CACNB2: variants seen among roughly 807,000 people sequenced by gnomAD.
The protein encoded by CACNB2 is voltage-dependent L-type calcium channel subunit beta-2.
A neutral mutation model predicts 73.3 loss-of-function variants in CACNB2; 42 were observed. That is an observed-to-expected ratio of 0.57 (90% CI 0.45 to 0.74). The LOEUF is 0.74. CACNB2 is among the 30% of genes least tolerant of loss of function. CACNB2 has a pLI of 0.00. For synonymous variants in CACNB2, 348 were observed against 310.3 expected, an observed-to-expected ratio of 1.12 and a Z score of -1.28; for missense variants, 940 against 853.0, an observed-to-expected ratio of 1.10 and a Z score of -1.27.
intron 2 of CACNB2, among the ~76,000 whole-genome samples, chr10:18,347,155 G>A (rs2041493717): frequency 6.6e-6 from 1 of 151,798 alleles, no homozygotes; most frequent in African/African-American, 2.4e-5. Flanking sequence ...GAAAGGACAA[G>A]AACAAGATTT....
chr10:18,515,694 G>A (rs921761533), intron 7 of CACNB2, among the ~76,000 whole-genome samples: 3 of 152,094 alleles, frequency 2.0e-5, no homozygotes, highest in Non-Finnish European at 4.4e-5. Flanking sequence ...CACAACAGTG[G>A]GCCCATTTCT....
intron 2 of CACNB2, among the ~76,000 whole-genome samples, chr10:18,184,453 A>G (rs1049430821): frequency 6.6e-6 from 1 of 152,188 alleles, no homozygotes; most frequent in Admixed American, 6.5e-5. Context: ...AACATCTTGT[A>G]TAAGTATGGT....
At chr10:18,235,405 C>T (rs2036402181) in intron 2 of CACNB2, among the ~76,000 whole-genome samples, 3 of 152,102 alleles carry the variant, frequency 2.0e-5, no homozygotes, top group Non-Finnish European at 1.5e-5. Context: ...CTGCAGTGAG[C>T]TATGATCACA....
intron 2 of CACNB2, among the ~76,000 whole-genome samples, chr10:18,288,676 T>TACACACACACACACACACACACACAC (rs372916856): frequency 7.6e-5 from 11 of 144,312 alleles, no homozygotes; most frequent in Non-Finnish European, 1.1e-4. Context: ...ATGAGATTTA[T>TACACACACACACACACACACACACAC]ACACACACAC....
intron 2 of CACNB2, among the ~76,000 whole-genome samples, chr10:18,181,037 A>G (rs2033849088): frequency 6.7e-6 from 1 of 149,302 alleles, no homozygotes; most frequent in Admixed American, 6.7e-5. Context: ...CCCCTCAAGG[A>G]TTTACATTGA....
chr10:18,296,174 A>G (rs1426720995), intron 2 of CACNB2, among the ~76,000 whole-genome samples: 1 of 151,786 alleles, frequency 6.6e-6, no homozygotes, highest in Non-Finnish European at 1.5e-5. Context: ...GGTCTTTCCG[A>G]CAATAACAGT....
At position 18,539,307 on chromosome 10, in the gene CACNB2, G is replaced by A; in HGVS notation, c.1566G>A (p.Val522=). The change falls in exon 14 of 14, where the codon GTG becomes GTA. Residue 522 remains valine, a synonymous_variant. Coordinates refer to ENST00000324631, the MANE Select transcript of CACNB2 (RefSeq NM_201596.3). ...CCCAAGCTGAAGAAGAACCTAGTGT[G>A]GAACCAGTCAAGAAATCCCAGCACC... is the stretch of plus-strand genomic sequence containing the variant. ...SASQAEEEPS[V]EPVKKSQHRS... is the part of the protein sequence containing the mutation. The A allele has an allele frequency of 6.2e-7, 1 of 1,613,888 alleles. No homozygotes were observed. Among genetic ancestry groups the A allele is most frequent in the South Asian group, 1.1e-5 (1 of 91,054 alleles).
chr10:18,397,169 A>G (rs998610977), intron 2 of CACNB2, among the ~76,000 whole-genome samples: 22 of 152,220 alleles, frequency 1.4e-4, no homozygotes, highest in African/African-American at 5.3e-4. Flanking sequence ...TTTTTAAAGC[A>G]TTAAAGAAAA....
intron 3 of CACNB2, among the ~76,000 whole-genome samples, chr10:18,478,432 G>A (rs534942228): frequency 9.9e-5 from 15 of 152,226 alleles, no homozygotes; most frequent in South Asian, 4.2e-4. Flanking sequence ...AAGTGTATAC[G>A]GTGAAAAATG....
intron 2 of CACNB2, among the ~76,000 whole-genome samples, chr10:18,161,757 C>T (rs1247311174): frequency 4.0e-5 from 6 of 151,732 alleles, no homozygotes; most frequent in Admixed American, 3.3e-4. Flanking sequence ...AACCCTGTCT[C>T]TACTAAAAAT....
chr10:18,377,565 A>T (rs1041760844), intron 2 of CACNB2, among the ~76,000 whole-genome samples: 3 of 152,294 alleles, frequency 2.0e-5, no homozygotes, highest in Admixed American at 2.0e-4. Context: ...ATTTCATGTA[A>T]TTTTCGCAAC....
chr10:18,182,471 G>T (rs1302559348), intron 2 of CACNB2, among the ~76,000 whole-genome samples: 2 of 151,684 alleles, frequency 1.3e-5, no homozygotes, highest in Non-Finnish European at 2.9e-5. Context: ...AGTAACACAT[G>T]CCTGTAATAG....
At chr10:18,527,742 C>T (rs765587908) in intron 10 of CACNB2, 45 bp downstream of exon 10, 82 of 1,197,524 alleles carry the variant, frequency 6.8e-5, no homozygotes, top group Non-Finnish European at 8.6e-5. Flanking sequence ...TCTCCTCTCC[C>T]GATGTTGATG....
Position 18,449,866 on chromosome 10 carries a change from G to C in CACNB2, c.333+47823G>C, listed in dbSNP as rs61141526. 2.0e-5 allele frequency among the ~76,000 whole-genome samples: 3 copies of C among 152,270 alleles called. No homozygotes were observed. The South Asian group carries it at 6.2e-4, about 32-fold the overall frequency. ...ATGCAGGCCAGTTACAGCAGAGAAG[G>C]GGCCTCAGAAAGGTCACACACCAGG... On this transcript the variant is annotated intron_variant, in intron 3 of 13. Transcript: ENST00000324631.
At chr10:18,374,282 A>G (rs974471577) in intron 2 of CACNB2, among the ~76,000 whole-genome samples, 8 of 152,230 alleles carry the variant, frequency 5.3e-5, no homozygotes, top group African/African-American at 1.4e-4. Flanking sequence ...GATGCCAAGT[A>G]GACCAGAGGG....
chr10:18,306,630 C>T (rs1354851257), intron 2 of CACNB2, among the ~76,000 whole-genome samples: 1 of 152,146 alleles, frequency 6.6e-6, no homozygotes, highest in Non-Finnish European at 1.5e-5. Context: ...GGACATTCTC[C>T]AGCAATTTGC....
At chr10:18,141,146 C>T in intron 1 of CACNB2, 2 of 1,550,348 alleles carry the variant, frequency 1.3e-6, no homozygotes, top group Non-Finnish European at 1.7e-6. Context: ...GCTGGCCCTC[C>T]TCGCCCCTTC....
At chr10:18,228,445 A>AAAAAAGAAAAG (rs1359204235) in intron 2 of CACNB2, among the ~76,000 whole-genome samples, 1,744 of 148,166 alleles carry the variant, frequency 0.012, 69 homozygotes, top group African/African-American at 0.042. Flanking sequence ...AAAAAAAAAA[A>AAAAAAGAAAAG]AAAAGAAAAA....
intron 9 of CACNB2, among the ~76,000 whole-genome samples, chr10:18,520,317 GTTCT>G (rs1362409623): frequency 2.6e-5 from 4 of 152,056 alleles, no homozygotes; most frequent in African/African-American, 4.8e-5. Flanking sequence ...TTCCTTGACT[GTTCT>G]TTCTCTCTTA....
Sources: gnomAD v4.1 joint callset for allele counts (sites outside exome capture counted in the v4.1 genomes callset) on GRCh38, gnomAD v4.1.1 for gene constraint, MANE v1.5 for transcripts, NCBI Gene and HGNC (gene_info 2026-07-23, HGNC 2026-07-21) for gene names.